CNTNAP3B: variants seen among roughly 807,000 people sequenced by gnomAD.
CNTNAP3B encodes the protein contactin-associated protein-like 3B.
Under a neutral mutation model 108.9 loss-of-function variants are expected in CNTNAP3B, and 25 were observed. The observed-to-expected ratio is 0.23, with a 90% CI of 0.17 to 0.32. CNTNAP3B has a LOEUF of 0.32. Among genes scored for constraint, CNTNAP3B ranks in the 10% least tolerant of loss-of-function variants. CNTNAP3B has a pLI of 1.00. For missense variants in CNTNAP3B, 252 were observed against 1,210.4 expected, an observed-to-expected ratio of 0.21 and a Z score of 11.75; for synonymous variants, 103 against 473.4, an observed-to-expected ratio of 0.22 and a Z score of 10.16.
At chr9:42,044,439 A>T (rs1224468078) in intron 3 of CNTNAP3B, among the ~76,000 whole-genome samples, 1 of 143,082 alleles carries the variant, frequency 7.0e-6, no homozygotes, top group African/African-American at 2.7e-5. Context: ...TGGGCCTACA[A>T]GCCTTTTAAA....
intron 10 of CNTNAP3B, among the ~76,000 whole-genome samples, chr9:41,967,994 A>C (rs1278570141): frequency 1.3e-5 from 2 of 152,274 alleles, no homozygotes; most frequent in Non-Finnish European, 2.9e-5. Context: ...GTGGGATCTT[A>C]GAGACCAAGT....
chr9:42,116,041 G>A lies in CNTNAP3B; in HGVS notation c.86-11302C>T, dbSNP rs908591552. ...AGACCTTAAATGACCAGATGGAGCT[G>A]AAAACCATGGCACTAGAACTACATG... On this transcript the variant is annotated intron_variant, in intron 1 of 23. Coordinates refer to ENST00000377561, the MANE Select transcript of CNTNAP3B (RefSeq NM_001201380.3). Among the ~76,000 whole-genome samples the A allele has an allele frequency of 8.6e-5, 12 of 139,730 alleles. 2 individuals carry two copies. In the South Asian group the frequency reaches 1.4e-3, roughly 16 times the overall value. The allele number at this position is 139,730 out of a possible 152,430, so 91.7% of individuals were successfully genotyped here. A position where few individuals can be genotyped will look rare whatever the true frequency, so the allele number is the denominator to read the frequency against.
chr9:41,982,107 C>T (rs1406965177), intron 9 of CNTNAP3B, among the ~76,000 whole-genome samples: 1 of 89,164 alleles, frequency 1.1e-5, no homozygotes, highest in Admixed American at 1.2e-4. Context: ...CTACAAAAAT[C>T]CTGGAAGATA....
rs1413005960 is a variant in CNTNAP3B at position 42,116,931 on chromosome 9, C to T, written c.85+12079G>A. On this transcript the variant is annotated intron_variant, in intron 1 of 23. Transcript: ENST00000377561. ...CAAAGATCAAAAGAGACAAAGAAGG[C>T]CATTACATAATTGTAAAGGGATCAA... 2.2e-5 allele frequency among the ~76,000 whole-genome samples: 3 copies of T among 138,684 alleles called. 1 individual carries two copies. The highest frequency in any genetic ancestry group is 4.6e-5 in the Non-Finnish European group (3 of 64,800). The allele number at this position is 138,684 out of a possible 152,430, so 91.0% of individuals were successfully genotyped here.
chr9:41,939,692 C>A (rs1824274175), intron 13 of CNTNAP3B, among the ~76,000 whole-genome samples: 1 of 152,270 alleles, frequency 6.6e-6, no homozygotes, highest in African/African-American at 2.4e-5. Flanking sequence ...GATTAAAGAG[C>A]AAAACACTCA....
In CNTNAP3B at chr9:42,123,596, C is replaced by T. The variant is rs982700747; in HGVS notation, c.85+5414G>A. ...TCTTGAACCGGCCAGAAAGTTGAAG[C>T]TCAAGGTTGCAGAAGATTTGAGCTA... On this transcript the variant is annotated intron_variant, in intron 1 of 23. Transcript: ENST00000377561. 3.9e-5 allele frequency among the ~76,000 whole-genome samples: 5 copies of T among 129,064 alleles called. 1 individual carries two copies. Among genetic ancestry groups the T allele is most frequent in the African/African-American group, 1.6e-4 (5 of 32,032 alleles). The allele number at this position is 129,064 out of a possible 152,430, so 84.7% of individuals were successfully genotyped here. A position where few individuals can be genotyped will look rare whatever the true frequency, so the allele number is the denominator to read the frequency against.
chr9:42,117,417 G>C (rs992915098), intron 1 of CNTNAP3B, among the ~76,000 whole-genome samples: 4 of 138,114 alleles, frequency 2.9e-5, no homozygotes, highest in African/African-American at 1.2e-4. Flanking sequence ...ACCTGCTCCT[G>C]AATGACTACT....
intron 13 of CNTNAP3B, among the ~76,000 whole-genome samples, chr9:41,946,988 T>TA (rs1344639083): frequency 3.4e-5 from 4 of 118,882 alleles, no homozygotes; most frequent in South Asian, 2.5e-4. Flanking sequence ...TTAAAATTGC[T>TA]AAAAAATATA....
intron 15 of CNTNAP3B, among the ~76,000 whole-genome samples, chr9:41,924,428 C>T (rs1254313179): frequency 2.0e-5 from 3 of 152,292 alleles, no homozygotes; most frequent in Non-Finnish European, 4.4e-5. Context: ...CTGAAGAACT[C>T]GGTAAGATGT....
chr9:41,958,502 C>T (rs1284840366), intron 12 of CNTNAP3B, among the ~76,000 whole-genome samples: 6 of 151,854 alleles, frequency 4.0e-5, no homozygotes, highest in Admixed American at 3.9e-4. Flanking sequence ...AAGAGGCCTG[C>T]AGTACTATAA....
chr9:41,967,318 G>A (rs1314914879), intron 10 of CNTNAP3B, among the ~76,000 whole-genome samples: 1 of 152,238 alleles, frequency 6.6e-6, no homozygotes, highest in Non-Finnish European at 1.5e-5. Context: ...TAAGTCTCAC[G>A]AGATCTGATG....
chr9:42,120,021 C>G (rs1201576989), intron 1 of CNTNAP3B, among the ~76,000 whole-genome samples: 2 of 148,700 alleles, frequency 1.3e-5, no homozygotes, highest in Non-Finnish European at 3.0e-5. Context: ...AAGAAACTAC[C>G]ATCAGAGTGA....
intron 1 of CNTNAP3B, among the ~76,000 whole-genome samples, chr9:42,112,886 T>C (rs1828224475): frequency 7.7e-6 from 1 of 130,200 alleles, no homozygotes; most frequent in Non-Finnish European, 1.6e-5. Context: ...TTTTTTTTTT[T>C]TGAGACGGAG....
intron 13 of CNTNAP3B, among the ~76,000 whole-genome samples, chr9:41,945,223 C>G (rs1345687892): frequency 2.0e-5 from 3 of 152,232 alleles, no homozygotes; most frequent in Non-Finnish European, 2.9e-5. Flanking sequence ...CCTCATGGAT[C>G]TAGAACTAGA....
Position 42,088,697 on chromosome 9 carries a change from G to A in CNTNAP3B, c.197-11635C>T, listed in dbSNP as rs1302589048. ...CTGAGGAAAAAAAAGCATAAAAATA[G>A]AATGCCATTGGACTTACTAATTCTA... On this transcript the variant is annotated intron_variant, in intron 2 of 23. Coordinates refer to ENST00000377561, the MANE Select transcript of CNTNAP3B (RefSeq NM_001201380.3). Among the ~76,000 whole-genome samples the A allele has an allele frequency of 3.9e-4, 53 of 137,310 alleles. 4 individuals carry two copies. Among genetic ancestry groups the A allele is most frequent in the Non-Finnish European group, 3.1e-5 (2 of 64,476 alleles). The allele number at this position is 137,310 out of a possible 152,430, so 90.1% of individuals were successfully genotyped here.
chr9:41,924,317 G>A (rs780712963), intron 15 of CNTNAP3B, among the ~76,000 whole-genome samples: 8,515 of 136,984 alleles, frequency 0.062, no homozygotes, highest in Admixed American at 0.15. Context: ...CCAAACAAAA[G>A]CGAAGCAAAA....
At chr9:41,972,885 G>C (rs1825446499) in intron 9 of CNTNAP3B, among the ~76,000 whole-genome samples, 1 of 131,816 alleles carries the variant, frequency 7.6e-6, no homozygotes, top group African/African-American at 3.0e-5. Context: ...CAACAGTTCT[G>C]CTAATCTTTC....
rs776376303 is a variant in CNTNAP3B, at chr9:41,964,599, C to T, written c.1695G>A (p.Ser565=). The change falls in exon 11 of 24, where the codon TCG becomes TCA. Residue 565 remains serine, a synonymous_variant. Transcript: ENST00000377561. ...GACAGTCACAGGAGAAGGTGTCCCA[C>T]GACTGGGAACACTCGCCCCCATGCT... The part of the protein sequence containing the change: ...YCEHGGECSQ[S]WDTFSCDCLG... 815 of 1,544,050 alleles carry T rather than the reference C, an allele frequency of 5.3e-4. No individual in the cohort carries two copies. In the African/African-American group the frequency reaches 9.6e-3, roughly 18 times the overall value.
chr9:41,979,669 T>TTTTTTTATATATATATATATA (rs1350677020), intron 9 of CNTNAP3B: 1 of 29,810 alleles, frequency 3.4e-5, no homozygotes. Flanking sequence ...ATATATATAT[T>TTTTTTTATATATATATATATA]TTTTTTTTCA....
Sources: gnomAD v4.1 joint callset for allele counts (sites outside exome capture counted in the v4.1 genomes callset) on GRCh38, gnomAD v4.1.1 for gene constraint, MANE v1.5 for transcripts, NCBI Gene and HGNC (gene_info 2026-07-23, HGNC 2026-07-21) for gene names.